GPC6: variants seen among roughly 807,000 people sequenced by gnomAD.
GPC6 encodes the protein glypican 6.
In GPC6, 14 loss-of-function variants were observed where a neutral mutation model predicts 55.2. That is an observed-to-expected ratio of 0.25 (90% CI 0.17 to 0.40). The LOEUF (loss-of-function observed/expected upper bound fraction) is 0.40, where lower values mean the gene tolerates loss of function less well. Ranked by LOEUF, GPC6 falls within the 10% of genes least tolerant of loss-of-function variation. The pLI is 1.00. For missense variants in GPC6, 641 were observed against 708.5 expected (o/e 0.90, Z 1.08); for synonymous variants, 278 against 259.6 (o/e 1.07, Z -0.68).
At chr13:93,746,444 T>C (rs1374302653) in intron 2 of GPC6, among the ~76,000 whole-genome samples, 2 of 152,088 alleles carry the variant, frequency 1.3e-5, no homozygotes, top group Non-Finnish European at 2.9e-5. Context: ...TCGGTAGAAA[T>C]GTTGCAGGGT....
chr13:94,373,027 A>C (rs562565870), intron 6 of GPC6, among the ~76,000 whole-genome samples: 138 of 152,180 alleles, frequency 9.1e-4, no homozygotes, highest in East Asian at 9.7e-4. Context: ...GGAAAACTAA[A>C]AAACAGAAAG....
chr13:94,021,948 G>T (rs1438312392), intron 3 of GPC6, among the ~76,000 whole-genome samples: 2 of 151,914 alleles, frequency 1.3e-5, no homozygotes, highest in Non-Finnish European at 2.9e-5. Context: ...TATTGTAAAA[G>T]ATTATTGTTT....
At chr13:93,492,838 A>G (rs1303266183) in intron 1 of GPC6, among the ~76,000 whole-genome samples, 71 of 150,408 alleles carry the variant, frequency 4.7e-4, no homozygotes, top group Non-Finnish European at 5.9e-5. Flanking sequence ...TGATTGGCAT[A>G]TATTGAACCA....
At chr13:93,251,141 A>G (rs1432217900) in intron 1 of GPC6, among the ~76,000 whole-genome samples, 2 of 152,180 alleles carry the variant, frequency 1.3e-5, no homozygotes, top group African/African-American at 4.8e-5. Context: ...GGGAGCTACA[A>G]TTCAAGATGA....
At chr13:93,815,558 C>T (rs867833169) in intron 2 of GPC6, among the ~76,000 whole-genome samples, 3 of 151,946 alleles carry the variant, frequency 2.0e-5, no homozygotes, top group Non-Finnish European at 2.9e-5. Flanking sequence ...TTCTTGCATT[C>T]CAAATGACAA....
intron 1 of GPC6, among the ~76,000 whole-genome samples, chr13:93,262,644 A>C (rs1877189563): frequency 6.6e-6 from 1 of 152,182 alleles, no homozygotes; most frequent in African/African-American, 2.4e-5. Context: ...TGTAAAGCAG[A>C]TGTTTTTCTA....
At chr13:93,758,970 C>T (rs2138873788) in intron 2 of GPC6, among the ~76,000 whole-genome samples, 1 of 152,222 alleles carries the variant, frequency 6.6e-6, no homozygotes, top group East Asian at 1.9e-4. Context: ...AAGTTCTAAC[C>T]TACAGTTTTT....
intron 3 of GPC6, among the ~76,000 whole-genome samples, chr13:93,984,857 T>C (rs371884562): frequency 2.0e-5 from 3 of 152,230 alleles, no homozygotes; most frequent in East Asian, 3.8e-4. Flanking sequence ...GGGAGGAAGC[T>C]ATCTTAGATA....
At chr13:93,623,455 C>CT (rs567830011) in intron 2 of GPC6, among the ~76,000 whole-genome samples, 1,184 of 116,178 alleles carry the variant, frequency 0.01, 28 homozygotes, top group African/African-American at 0.035. Flanking sequence ...CTTTTCTTTT[C>CT]TTTTTTTTTT....
chr13:93,247,327 TG>T (rs1418763766), intron 1 of GPC6, among the ~76,000 whole-genome samples: 1 of 152,192 alleles, frequency 6.6e-6, no homozygotes. Context: ...ATTTTGAAAA[TG>T]GGAACTTGTA....
At chr13:94,318,810 A>T (rs1434119114) in intron 6 of GPC6, among the ~76,000 whole-genome samples, 1 of 152,168 alleles carries the variant, frequency 6.6e-6, no homozygotes, top group African/African-American at 2.4e-5. Context: ...TTTTCTTGTG[A>T]ATTGAGCTTT....
intron 1 of GPC6, among the ~76,000 whole-genome samples, chr13:93,393,087 A>G (rs1875690672): frequency 6.8e-6 from 1 of 147,606 alleles, no homozygotes; most frequent in African/African-American, 2.5e-5. Flanking sequence ...ATCTATATAT[A>G]GAGAAAAATA....
intron 4 of GPC6, among the ~76,000 whole-genome samples, chr13:94,137,409 T>TTG (rs1451623339): frequency 2.0e-5 from 3 of 152,140 alleles, no homozygotes; most frequent in African/African-American, 7.2e-5. Flanking sequence ...ATTGCTGCAA[T>TTG]TGCTATAATT....
intron 1 of GPC6, among the ~76,000 whole-genome samples, chr13:93,236,563 G>A (rs527671048): frequency 6.6e-6 from 1 of 152,184 alleles, no homozygotes; most frequent in Admixed American, 6.5e-5. Context: ...AGCGGCATTA[G>A]CTTTTCATAG....
chr13:93,584,381 G>A (rs1877087923), intron 2 of GPC6, among the ~76,000 whole-genome samples: 2 of 152,170 alleles, frequency 1.3e-5, no homozygotes, highest in Admixed American at 1.3e-4. Context: ...TGAGCTCAAA[G>A]TGGTATTTGT....
At chr13:93,998,661 G>A (rs1435893571) in intron 3 of GPC6, among the ~76,000 whole-genome samples, 2 of 151,978 alleles carry the variant, frequency 1.3e-5, no homozygotes, top group Non-Finnish European at 2.9e-5. Context: ...ACTCTAGCTA[G>A]ACTGAGTAAA....
intron 4 of GPC6, among the ~76,000 whole-genome samples, chr13:94,049,328 G>A (rs1883852025): frequency 6.6e-6 from 1 of 151,630 alleles, no homozygotes; most frequent in Non-Finnish European, 1.5e-5. Flanking sequence ...TCCTAGCAGT[G>A]TTCTCCACAT....
chr13:94,276,874 A>T (rs1180758910), intron 4 of GPC6, among the ~76,000 whole-genome samples: 4 of 152,188 alleles, frequency 2.6e-5, no homozygotes, highest in Non-Finnish European at 5.9e-5. Flanking sequence ...TGTCTTTGCT[A>T]TTGTAAATAG....
At chr13:93,331,624 T>G (rs1026368849) in intron 1 of GPC6, among the ~76,000 whole-genome samples, 1 of 134,946 alleles carries the variant, frequency 7.4e-6, no homozygotes, top group Admixed American at 7.1e-5. Flanking sequence ...GAAACATTGT[T>G]TTTTCATCTT....
Sources: allele counts gnomAD v4.1 joint callset (sites outside exome capture counted in the v4.1 genomes callset), GRCh38; gene constraint gnomAD v4.1.1; transcripts MANE v1.5; gene names NCBI Gene and HGNC (gene_info 2026-07-23, HGNC 2026-07-21).